Variants in SDK2 observed in about 807,000 individuals in gnomAD.
SDK2 encodes the protein protein sidekick-2.
Under a neutral mutation model 253.9 loss-of-function variants are expected in SDK2, and 105 were observed. The ratio of observed to expected loss-of-function variants is 0.41; its 90% confidence interval spans 0.35 to 0.49. The LOEUF is 0.49. Among genes scored for constraint, SDK2 ranks in the 20% least tolerant of loss-of-function variants. SDK2 has a pLI of 0.06. For synonymous variants in SDK2, 1,249 were observed against 1,234.9 expected (o/e 1.01, Z -0.24); for missense variants, 2,608 against 3,003.0 (o/e 0.87, Z 3.07).
chr17:73,477,282 G>A lies in SDK2; in HGVS notation c.225-5064C>T, dbSNP rs576546612. On this transcript the variant is annotated intron_variant, in intron 2 of 44. Coordinates refer to ENST00000392650, the MANE Select transcript of SDK2 (RefSeq NM_001144952.2). The stretch of plus-strand genomic sequence containing the variant: ...TCACCCGTAGCTGCCAGCCCAGCAG[G>A]AGACTGGCTGAGTCCAGCCCCATCC... Among the ~76,000 whole-genome samples, 6 of 152,216 alleles carry A rather than the reference G, an allele frequency of 3.9e-5. No homozygotes were observed. The South Asian group carries it at 8.3e-4, about 21-fold the overall frequency.
intron 16 of SDK2, among the ~76,000 whole-genome samples, chr17:73,416,199 ATT>A (rs55713710): frequency 5.0e-5 from 6 of 120,318 alleles, no homozygotes. Context: ...AATGAATTCA[ATT>A]TTTTTTTTTT....
chr17:73,561,319 A>T (rs2045230092), intron 1 of SDK2, among the ~76,000 whole-genome samples: 1 of 152,158 alleles, frequency 6.6e-6, no homozygotes. Context: ...ACAGATGATG[A>T]CGAGACCTAG....
chr17:73,421,916 C>T (rs1461124406), intron 15 of SDK2, among the ~76,000 whole-genome samples: 2 of 151,982 alleles, frequency 1.3e-5, no homozygotes, highest in Non-Finnish European at 2.9e-5. Flanking sequence ...TGGCGTCGTG[C>T]AAGACATGGA....
At chr17:73,468,668 C>T (rs1398862149) in intron 3 of SDK2, among the ~76,000 whole-genome samples, 6 of 151,562 alleles carry the variant, frequency 4.0e-5, no homozygotes, top group South Asian at 2.1e-4. Flanking sequence ...TGTGCCACCA[C>T]GCCTGGCTAA....
chr17:73,430,197 C>T (rs2145605859), intron 12 of SDK2, among the ~76,000 whole-genome samples: 1 of 152,318 alleles, frequency 6.6e-6, no homozygotes, highest in South Asian at 2.1e-4. Context: ...TCCATGCTCA[C>T]TAACCCACAA....
At chr17:73,437,029 C>T (rs1366860718) in intron 8 of SDK2, among the ~76,000 whole-genome samples, 3 of 152,112 alleles carry the variant, frequency 2.0e-5, no homozygotes, top group Non-Finnish European at 4.4e-5. Context: ...CATGGTAAGC[C>T]CTCAAAAAAT....
intron 1 of SDK2, among the ~76,000 whole-genome samples, chr17:73,634,226 C>T (rs1243346541): frequency 6.6e-6 from 1 of 152,196 alleles, no homozygotes; most frequent in Admixed American, 6.5e-5. Context: ...GTCAAATGAG[C>T]CTACCCTGGG....
chr17:73,573,503 G>A (rs575388545), intron 1 of SDK2, among the ~76,000 whole-genome samples: 2 of 152,040 alleles, frequency 1.3e-5, no homozygotes, highest in Non-Finnish European at 2.9e-5. Context: ...CAGCTGCTAG[G>A]ACCCCAAACC....
At chr17:73,587,016 G>A (rs1316808930) in intron 1 of SDK2, among the ~76,000 whole-genome samples, 2 of 152,208 alleles carry the variant, frequency 1.3e-5, no homozygotes, top group African/African-American at 2.4e-5. Flanking sequence ...AAGTGCGAAT[G>A]GGATTAACTG....
chr17:73,373,301 T>C (rs1012288084), intron 36 of SDK2, among the ~76,000 whole-genome samples: 1 of 152,236 alleles, frequency 6.6e-6, no homozygotes, highest in African/African-American at 2.4e-5. Context: ...TCTTGGCTAC[T>C]GTGAATGATG....
chr17:73,397,358 T>A (rs967584652), intron 24 of SDK2, among the ~76,000 whole-genome samples: 2 of 152,210 alleles, frequency 1.3e-5, no homozygotes. Context: ...TGGTTAGGGC[T>A]GTGGACTTGC....
Position 73,511,983 on chromosome 17 carries a change from G to A in SDK2, c.65-4386C>T, listed in dbSNP as rs962345630. ...CATTCACATATCTGTGAATGTCAATGTGTGTGTCAGTGCACATCTGTGTGT... is the reference window on the plus strand; with the variant it reads ...CATTCACATATCTGTGAATGTCAATATGTGTGTCAGTGCACATCTGTGTGT... On this transcript the variant is annotated intron_variant, in intron 1 of 44. Transcript: ENST00000392650. The surrounding 1 kb of genome is among the most constrained non-coding windows in gnomAD (Gnocchi z 4.9). Among the ~76,000 whole-genome samples the A allele has an allele frequency of 2.0e-5, 3 of 152,132 alleles. No homozygotes were observed. Among genetic ancestry groups the A allele is most frequent in the African/African-American group, 7.2e-5 (3 of 41,424 alleles).
At chr17:73,364,819 A>G (rs1165841798) in intron 38 of SDK2, among the ~76,000 whole-genome samples, 2 of 151,882 alleles carry the variant, frequency 1.3e-5, no homozygotes, top group African/African-American at 4.8e-5. Context: ...ACGGGGTTTC[A>G]CCATGTTGGC....
chr17:73,578,416 C>T (rs1003378672), intron 1 of SDK2, among the ~76,000 whole-genome samples: 1 of 152,130 alleles, frequency 6.6e-6, no homozygotes, highest in South Asian at 2.1e-4. Context: ...TCTGACCTCC[C>T]AAACTGTAAG....
Position 73,379,433 on chromosome 17 carries a change from GC to G in SDK2, c.4864+14del. 1 of 1,586,504 alleles carries G rather than the reference GC, an allele frequency of 6.3e-7. No homozygotes were observed. The highest frequency in any genetic ancestry group is 8.6e-7 in the Non-Finnish European group (1 of 1,161,772). On this transcript the variant is annotated intron_variant, in intron 35 of 44. Coordinates refer to ENST00000392650, the MANE Select transcript of SDK2 (RefSeq NM_001144952.2). The surrounding 1 kb of genome is among the most constrained non-coding windows in gnomAD (Gnocchi z 4.5). ...GAAAGGCATGCTGGGGCCGGACAGG[GC>G]GGGCGCTGCTCACCTGCCTCCCCAA... is the stretch of plus-strand genomic sequence containing the variant.
In SDK2 at chr17:73,639,599, C is replaced by T. The variant is rs1599746001; in HGVS notation, c.64+4426G>A. On this transcript the variant is annotated intron_variant, in intron 1 of 44. Transcript: ENST00000392650. The surrounding 1 kb of genome is among the most constrained non-coding windows in gnomAD (Gnocchi z 4.3). Reference sequence around the variant, plus strand: ...CCCACCGCTTTAGGCAGCTCCAGGGCTGTCTGTGGCAACATGCTCCAGGGG... The same window carrying T: ...CCCACCGCTTTAGGCAGCTCCAGGGTTGTCTGTGGCAACATGCTCCAGGGG... Among the ~76,000 whole-genome samples the T allele has an allele frequency of 6.6e-6, 1 of 152,196 alleles. No homozygotes were observed. Among genetic ancestry groups the T allele is most frequent in the South Asian group, 2.1e-4 (1 of 4,832 alleles).
intron 1 of SDK2, among the ~76,000 whole-genome samples, chr17:73,640,763 C>G (rs2046388718): frequency 6.6e-6 from 1 of 152,182 alleles, no homozygotes; most frequent in Non-Finnish European, 1.5e-5. Context: ...GGTTCCAGTC[C>G]TCTTTCAGGG....
At chr17:73,595,500 G>A (rs543413774) in intron 1 of SDK2, among the ~76,000 whole-genome samples, 45 of 152,262 alleles carry the variant, frequency 3.0e-4, no homozygotes, top group Admixed American at 9.2e-4. Context: ...GGGCCCTGGA[G>A]GGGACCCAGC....
intron 32 of SDK2, among the ~76,000 whole-genome samples, chr17:73,385,024 T>TG (rs1159499130): frequency 6.6e-6 from 1 of 152,208 alleles, no homozygotes; most frequent in Admixed American, 6.5e-5. Flanking sequence ...TGTCTCAGGC[T>TG]GGGGGGACCC....
Sources: allele counts gnomAD v4.1 joint callset (sites outside exome capture counted in the v4.1 genomes callset), GRCh38; gene constraint gnomAD v4.1.1; non-coding constraint Gnocchi (gnomAD v3.1); transcripts MANE v1.5; gene names NCBI Gene and HGNC (gene_info 2026-07-23, HGNC 2026-07-21).